The following SMC1B variants were observed in gnomAD, a reference collection of about 807,000 sequenced individuals.
SMC1B encodes the protein structural maintenance of chromosomes protein 1B.
SMC1B carries 60 observed loss-of-function variants against 157.9 expected under a neutral mutation model. The ratio of observed to expected loss-of-function variants is 0.38; its 90% confidence interval spans 0.31 to 0.47. SMC1B has a LOEUF of 0.47. Among genes scored for constraint, SMC1B ranks in the 20% least tolerant of loss-of-function variants. The probability of loss-of-function intolerance (pLI) is 0.99; values close to 1 mark genes in which losing one functional copy is unlikely to be tolerated. For synonymous variants in SMC1B, 445 were observed against 483.0 expected, an observed-to-expected ratio of 0.92 and a Z score of 1.03; for missense variants, 1,165 against 1,426.2, an observed-to-expected ratio of 0.82 and a Z score of 2.95.
chr22:45,404,686 T>C (rs886950515), intron 4 of SMC1B, among the ~76,000 whole-genome samples: 53 of 109,462 alleles, frequency 4.8e-4, no homozygotes, highest in African/African-American at 3.1e-3. Flanking sequence ...AATCCACCTA[T>C]AACCTGGAAG....
In SMC1B at chr22:45,371,512, G is replaced by T. The variant is rs758779566; in HGVS notation, c.2272C>A (p.Arg758=). The T allele has an allele frequency of 3.8e-6, 6 of 1,597,208 alleles. No homozygotes were observed. In the East Asian group the frequency reaches 6.8e-5, roughly 18 times the overall value. The change falls in exon 14 of 25, where the codon CGA becomes AGA. Residue 758 remains arginine (R), a synonymous_variant. Coordinates refer to ENST00000357450, the MANE Select transcript of SMC1B (RefSeq NM_148674.5). ...TGAAATTCTTTAATTCTTCGTTGTC[G>T]TTCCTTGATTCCTTCACTCAACATA... The part of the protein sequence containing the change: ...CIMLSEGIKE[R]QRRIKEFQEK...
At chr22:45,361,237 T>C (rs1018902202) in intron 17 of SMC1B, among the ~76,000 whole-genome samples, 2 of 152,172 alleles carry the variant, frequency 1.3e-5, no homozygotes, top group African/African-American at 4.8e-5. Context: ...GGAATCTCTG[T>C]ACAACAGGAA....
Position 45,394,705 on chromosome 22 carries a change from C to T in SMC1B, c.1317G>A (p.Glu439=). 1 of 1,562,754 alleles carries T rather than the reference C, an allele frequency of 6.4e-7. No homozygotes were observed. Among genetic ancestry groups the T allele is most frequent in the Non-Finnish European group, 8.7e-7 (1 of 1,148,586 alleles). ...CCTACATGCATGTCTTTGTATACTCCTCTAACTTCTCTATTCGTTTTTTAT... is the reference window on the plus strand; with the variant it reads ...CCTACATGCATGTCTTTGTATACTCTTCTAACTTCTCTATTCGTTTTTTAT... ...EDHKKRIEKL[E]EYTKTCMDCL... The change falls in exon 8 of 25, where the codon GAG becomes GAA. Residue 439 remains glutamate, a synonymous_variant. Transcript: ENST00000357450.
rs1370206079 is a variant in SMC1B, at chr22:45,362,900, A to C, written c.2547T>G (p.Ile849Met). 2 of 1,593,810 alleles carry C rather than the reference A, an allele frequency of 1.3e-6. No homozygotes were observed. The highest frequency in any genetic ancestry group is 2.3e-5 in the South Asian group (2 of 86,734). Residue 849 changes from isoleucine (I) to methionine (M), a missense_variant, in exon 16 of 25, where the codon ATT (isoleucine) becomes ATG (methionine). Physicochemically the swap from Ile to Met is conservative, Grantham distance 10. Coordinates refer to ENST00000357450, the MANE Select transcript of SMC1B (RefSeq NM_148674.5). ...KETIQKGSEDIDHLKKAEENC... is the reference protein window; with the variant it reads ...KETIQKGSEDMDHLKKAEENC... ...TATTAATTACCTTCTTTAGGTGATC[A>C]ATATCTTCACTACCTTTCTGGATAG...
At position 45,393,777 on chromosome 22, in the gene SMC1B, A is replaced by G. The variant is rs775315147; in HGVS notation, c.1402T>C (p.Ser468Pro). ...TCTTCATTAACTTCAGACATTCTTG[A>G]TTTTGTTTTTTCAATTTCATCCACT... ...TLVDEIEKTK[S>P]RMSEVNEELN... Residue 468 changes from serine (S) to proline (P), a missense_variant, in exon 9 of 25, where the codon TCA becomes CCA. Coordinates refer to ENST00000357450, the MANE Select transcript of SMC1B (RefSeq NM_148674.5). 1 of 1,613,712 alleles carries G rather than the reference A, an allele frequency of 6.2e-7. No homozygotes were observed. The highest frequency in any genetic ancestry group is 8.5e-7 in the Non-Finnish European group (1 of 1,179,788).
Position 45,383,436 on chromosome 22 carries a change from G to A in SMC1B, c.2058+31C>T, listed in dbSNP as rs1383801611. On this transcript the variant is annotated intron_variant, in intron 12 of 24. Coordinates refer to ENST00000357450, the MANE Select transcript of SMC1B (RefSeq NM_148674.5). ...TTTAAAAACACAATTATTCTACTTAGTATATTACAACTTTTATGACATGGA... is the reference window on the plus strand; with the variant it reads ...TTTAAAAACACAATTATTCTACTTAATATATTACAACTTTTATGACATGGA... 6 of 1,544,764 alleles carry A rather than the reference G, an allele frequency of 3.9e-6. No homozygotes were observed. The South Asian group carries it at 6.3e-5, about 16-fold the overall frequency.
Position 45,352,477 on chromosome 22 carries a change from G to A in SMC1B, c.3399C>T (p.Ala1133=). The change falls in exon 22 of 25, where the codon GCC becomes GCT. Residue 1133 remains alanine, a synonymous_variant. Coordinates refer to ENST00000357450, the MANE Select transcript of SMC1B (RefSeq NM_148674.5). ...NLSGGEKCVA[A]LALLFAVHSF... is the part of the protein sequence containing the mutation. ...TGTGCACAGCAAACAGGAGAGCCAAGGCTGCCACACACTTTTCTCCCCCTG... is the reference window on the plus strand; with the variant it reads ...TGTGCACAGCAAACAGGAGAGCCAAAGCTGCCACACACTTTTCTCCCCCTG... 1 of 1,614,004 alleles carries A rather than the reference G, an allele frequency of 6.2e-7. No individual in the cohort carries two copies. The highest frequency in any genetic ancestry group is 8.5e-7 in the Non-Finnish European group (1 of 1,179,944).
In SMC1B at chr22:45,353,959, G is replaced by T; in HGVS notation, c.3273+19C>A. Reference sequence around the variant, plus strand: ...TAACACAGAATTCTCACTAGTATTTGAGGATGAAAGATACATACTTGGGCG... The same window carrying T: ...TAACACAGAATTCTCACTAGTATTTTAGGATGAAAGATACATACTTGGGCG... On this transcript the variant is annotated intron_variant, in intron 21 of 24. Transcript: ENST00000357450. 1 of 1,164,518 alleles carries T rather than the reference G, an allele frequency of 8.6e-7. No individual in the cohort carries two copies. Among genetic ancestry groups the T allele is most frequent in the African/African-American group, 1.8e-5 (1 of 57,038 alleles). The allele number at this position is 1,164,518 out of a possible 1,614,324, so 72.1% of individuals were successfully genotyped here.
intron 6 of SMC1B, among the ~76,000 whole-genome samples, chr22:45,396,868 G>A (rs996184756): frequency 2.0e-5 from 3 of 151,928 alleles, no homozygotes; most frequent in Non-Finnish European, 4.4e-5. Flanking sequence ...TGGCTTTGAG[G>A]AGACATGATC....
chr22:45,358,065 A>C (rs2086686521), intron 19 of SMC1B, among the ~76,000 whole-genome samples: 1 of 152,146 alleles, frequency 6.6e-6, no homozygotes, highest in Non-Finnish European at 1.5e-5. Flanking sequence ...AGAATCCCTA[A>C]ACAGTGGGTT....
At chr22:45,359,569 G>C (rs1170562123) in intron 18 of SMC1B, among the ~76,000 whole-genome samples, 1 of 152,170 alleles carries the variant, frequency 6.6e-6, no homozygotes, top group Non-Finnish European at 1.5e-5. Context: ...AAACATTCTT[G>C]ACTCCAACAA....
intron 5 of SMC1B, 149 bp downstream of exon 5, chr22:45,402,184 A>T: frequency 1.5e-6 from 1 of 649,780 alleles, no homozygotes; most frequent in Non-Finnish European, 2.6e-6. Flanking sequence ...CACCTGGCCT[A>T]TACTATCTTT....
At chr22:45,361,456 A>G (rs2086720703) in intron 17 of SMC1B, among the ~76,000 whole-genome samples, 1 of 126,632 alleles carries the variant, frequency 7.9e-6, no homozygotes, top group Non-Finnish European at 2.0e-5. Context: ...CTACTAAAAG[A>G]GAAACACACA....
intron 18 of SMC1B, 139 bp downstream of exon 18, chr22:45,359,666 G>A: frequency 1.3e-6 from 1 of 792,680 alleles, no homozygotes; most frequent in Non-Finnish European, 1.9e-6. Context: ...TGAGATGACA[G>A]TCATTTTGCC....
At chr22:45,411,573 T>C (rs748990960) in intron 1 of SMC1B, among the ~76,000 whole-genome samples, 14 of 152,288 alleles carry the variant, frequency 9.2e-5, no homozygotes, top group Non-Finnish European at 1.8e-4. Flanking sequence ...GCATTTTATT[T>C]ATTTATTTAT....
intron 8 of SMC1B, among the ~76,000 whole-genome samples, chr22:45,394,428 C>A (rs1280561504): frequency 2.0e-5 from 3 of 151,956 alleles, no homozygotes; most frequent in Non-Finnish European, 4.4e-5. Flanking sequence ...ATTGCTTGGT[C>A]CAGGAGTTCA....
intron 9 of SMC1B, among the ~76,000 whole-genome samples, chr22:45,391,319 T>C (rs1410444228): frequency 3.9e-5 from 6 of 152,234 alleles, no homozygotes. Context: ...TTTTCACAGC[T>C]TACATTTTCC....
chr22:45,359,995 AT>A (rs1472037116), intron 17 of SMC1B, 37 bp from the exon 18 acceptor site: 2 of 1,544,138 alleles, frequency 1.3e-6, no homozygotes, highest in South Asian at 1.1e-5. Context: ...AATTTTACTC[AT>A]TATGTAACAC....
intron 12 of SMC1B, among the ~76,000 whole-genome samples, chr22:45,382,874 C>T (rs1203292967): frequency 6.6e-6 from 1 of 152,200 alleles, no homozygotes; most frequent in Non-Finnish European, 1.5e-5. Context: ...TGGCTCACAA[C>T]TGTAATCCCA....
Sources: allele counts gnomAD v4.1 joint callset (sites outside exome capture counted in the v4.1 genomes callset), GRCh38; gene constraint gnomAD v4.1.1; transcripts MANE v1.5; gene names NCBI Gene and HGNC (gene_info 2026-07-23, HGNC 2026-07-21).